EXO1: variants seen among roughly 807,000 people sequenced by gnomAD.
EXO1 encodes the protein exonuclease 1.
A neutral mutation model predicts 84.5 loss-of-function variants in EXO1; 69 were observed. The observed-to-expected ratio is 0.82, with a 90% CI of 0.67 to 1.00. The LOEUF is 1.00. EXO1 is among the 50% of genes least tolerant of loss of function. EXO1 has a pLI of 0.00. For missense variants in EXO1, 1,045 were observed against 1,000.7 expected, an observed-to-expected ratio of 1.04 and a Z score of -0.60; for synonymous variants, 373 against 366.1, an observed-to-expected ratio of 1.02 and a Z score of -0.21.
At chr1:241,871,561 A>G (rs191763153) in intron 11 of EXO1, among the ~76,000 whole-genome samples, 72 of 152,238 alleles carry the variant, frequency 4.7e-4, no homozygotes, top group Non-Finnish European at 9.3e-4. Flanking sequence ...AGCACAAATT[A>G]CTTACGACTA....
In EXO1 at chr1:241,870,057, G is replaced by A. The variant is rs4149959; in HGVS notation, c.1268-1975G>A. ...GAACTCCTGACCTCGTGATCCACCC[G>A]TCTGGGCCTCCCAAAGTGCTGGGAA... is the stretch of plus-strand genomic sequence containing the variant. On this transcript the variant is annotated intron_variant, in intron 11 of 15. Coordinates refer to ENST00000366548, the MANE Select transcript of EXO1 (RefSeq NM_130398.4). Among the ~76,000 whole-genome samples, 1,180 of 152,214 alleles carry A rather than the reference G, an allele frequency of 7.8e-3. 13 individuals are homozygous for A. Among genetic ancestry groups the A allele is most frequent in the African/African-American group, 0.027 (1,133 of 41,502 alleles).
chr1:241,878,878 G>A lies in EXO1; in HGVS notation c.1644G>A (p.Lys548=). The A allele has an allele frequency of 6.2e-7, 1 of 1,614,164 alleles. No homozygotes were observed. ...CAGAGTATGGAGACCAAGAAGGCAA[G>A]AGACTGGTTGACACAGATGTAGCAC... is the stretch of plus-strand genomic sequence containing the variant. ...HESEYGDQEG[K]RLVDTDVARN... is the part of the protein sequence containing the mutation. The change falls in exon 13 of 16, where the codon AAG becomes AAA. Residue 548 remains lysine, a synonymous_variant. Transcript: ENST00000366548.
At chr1:241,889,066 T>C (rs1057331151) in intron 15 of EXO1, among the ~76,000 whole-genome samples, 2 of 150,336 alleles carry the variant, frequency 1.3e-5, no homozygotes, top group African/African-American at 2.5e-5. Context: ...AGCGAGACCA[T>C]CTCAAAAAAG....
Position 241,857,501 on chromosome 1 carries a change from T to C in EXO1, c.543+19T>C. 6.2e-7 allele frequency: 1 copy of C among 1,606,186 alleles called. No individual in the cohort carries two copies. ...TAAAAAGGTACTCACCTCTGACTAC[T>C]ATATATTACTTTTCTATGTAGATAG... On this transcript the variant is annotated intron_variant, in intron 7 of 15. Coordinates refer to ENST00000366548, the MANE Select transcript of EXO1 (RefSeq NM_130398.4).
At chr1:241,887,628 A>T (rs1021292962) in intron 15 of EXO1, among the ~76,000 whole-genome samples, 2 of 151,770 alleles carry the variant, frequency 1.3e-5, no homozygotes, top group African/African-American at 2.4e-5. Context: ...TGCTCATTTT[A>T]TTTGTTTGTT....
chr1:241,867,331 A>G (rs1476795135), intron 11 of EXO1, among the ~76,000 whole-genome samples: 1 of 152,192 alleles, frequency 6.6e-6, no homozygotes, highest in African/African-American at 2.4e-5. Context: ...AACGAGAAGA[A>G]TGAGAGCCAA....
At chr1:241,856,539 CAT>C (rs979817727) in intron 6 of EXO1, among the ~76,000 whole-genome samples, 1 of 151,994 alleles carries the variant, frequency 6.6e-6, no homozygotes, top group African/African-American at 2.4e-5. Context: ...TGTATACACA[CAT>C]ATACCTACGT....
In EXO1 at chr1:241,881,115, C is replaced by T. The variant is rs529492187; in HGVS notation, c.2110-801C>T. Among the ~76,000 whole-genome samples, 9 of 152,196 alleles carry T rather than the reference C, an allele frequency of 5.9e-5. No homozygotes were observed. In the East Asian group the frequency reaches 9.7e-4, roughly 16 times the overall value. On this transcript the variant is annotated intron_variant, in intron 13 of 15. Transcript: ENST00000366548. Reference sequence around the variant, plus strand: ...CAATCTCGGCTCACTGCAACCTCCACCTCCCGGGTTCAAGCGATTCTCCCA... The same window carrying T: ...CAATCTCGGCTCACTGCAACCTCCATCTCCCGGGTTCAAGCGATTCTCCCA...
chr1:241,888,557 G>A (rs1035809867), intron 15 of EXO1, among the ~76,000 whole-genome samples: 1 of 152,132 alleles, frequency 6.6e-6, no homozygotes, highest in Non-Finnish European at 1.5e-5. Flanking sequence ...AAGGATCTTG[G>A]GACTCTCCAG....
At chr1:241,862,903 T>C (rs546885863) in intron 10 of EXO1, among the ~76,000 whole-genome samples, 1 of 152,284 alleles carries the variant, frequency 6.6e-6, no homozygotes, top group East Asian at 1.9e-4. Flanking sequence ...ACTGAAACAA[T>C]GTAATTAGGT....
chr1:241,850,793 A>G (rs1574128275), intron 4 of EXO1, among the ~76,000 whole-genome samples: 1 of 148,938 alleles, frequency 6.7e-6, no homozygotes. Flanking sequence ...AAGCCAGAGT[A>G]TCAAGACACT....
chr1:241,887,055 G>C (rs1305697784), intron 15 of EXO1, among the ~76,000 whole-genome samples: 2 of 152,170 alleles, frequency 1.3e-5, no homozygotes, highest in Non-Finnish European at 2.9e-5. Flanking sequence ...CTTCTTTGCT[G>C]TTATGTCTAA....
chr1:241,860,931 A>C (rs996119013), intron 9 of EXO1, among the ~76,000 whole-genome samples: 33 of 152,204 alleles, frequency 2.2e-4, no homozygotes, highest in African/African-American at 8.0e-4. Flanking sequence ...GATTACTTAG[A>C]TTGACTGACA....
intron 6 of EXO1, among the ~76,000 whole-genome samples, chr1:241,854,155 G>C (rs1167166433): frequency 6.6e-6 from 1 of 151,990 alleles, no homozygotes; most frequent in African/African-American, 2.4e-5. Flanking sequence ...TGTTTGTTTT[G>C]AGGCGGAGTT....
At chr1:241,882,266 G>C (rs1217618515) in intron 14 of EXO1, among the ~76,000 whole-genome samples, 2 of 152,116 alleles carry the variant, frequency 1.3e-5, no homozygotes, top group Admixed American at 1.3e-4. Flanking sequence ...ATAATATGCA[G>C]TTGTATAGGT....
intron 14 of EXO1, among the ~76,000 whole-genome samples, 195 bp from the exon 15 acceptor site, chr1:241,885,119 A>G (rs971492853): frequency 3.3e-5 from 5 of 152,048 alleles, no homozygotes; most frequent in Non-Finnish European, 7.4e-5. Context: ...AGGCAGGAGA[A>G]TGGCGTCAAC....
At position 241,879,275 on chromosome 1, in the gene EXO1, G is replaced by A. The variant is rs1255928489; in HGVS notation, c.2041G>A (p.Glu681Lys). 3 of 1,602,264 alleles carry A rather than the reference G, an allele frequency of 1.9e-6. No homozygotes were observed. The African/African-American group carries it at 4.0e-5, about 22-fold the overall frequency. The change falls in exon 13 of 16, where the codon GAA becomes AAA. Residue 681 changes from glutamate (E) to lysine (K), a missense_variant. By Grantham distance (56) the Glu-to-Lys change is moderately conservative (BLOSUM62 1). Transcript: ENST00000366548. ...TTCTTCACAGTCCCAGGAAAGTGGA[G>A]AATTCTCACTGCAGAGTTCAAATGC... ...ACSSQSQESG[E>K]FSLQSSNASK...
chr1:241,858,376 GTCTA>G (rs148258524), intron 7 of EXO1, 126 bp from the exon 8 acceptor site: 61,339 of 660,554 alleles, frequency 0.093, 3,875 homozygotes, highest in Admixed American at 0.26. Flanking sequence ...TCATCAGCCT[GTCTA>G]TCTATGTCTC....
At position 241,860,607 on chromosome 1, in the gene EXO1, C is replaced by G; in HGVS notation, c.847C>G (p.Leu283Val). The G allele has an allele frequency of 1.2e-6, 2 of 1,613,742 alleles. No homozygotes were observed. The highest frequency in any genetic ancestry group is 1.7e-6 in the Non-Finnish European group (2 of 1,179,650). Residue 283 changes from leucine to valine, a missense_variant, in exon 9 of 16, where the codon CTC becomes GTC. Physicochemically the swap from Leu to Val is conservative, Grantham distance 32. Transcript: ENST00000366548. Reference sequence around the variant, plus strand: ...GTTTATTCGGGCCAACAATACCTTCCTCTATCAGCTAGTTTTTGATCCCAT... The same window carrying G: ...GTTTATTCGGGCCAACAATACCTTCGTCTATCAGCTAGTTTTTGATCCCAT... ...NGFIRANNTF[L>V]YQLVFDPIKR... is the part of the protein sequence containing the mutation.
Sources: gnomAD v4.1 joint callset for allele counts (sites outside exome capture counted in the v4.1 genomes callset) on GRCh38, gnomAD v4.1.1 for gene constraint, MANE v1.5 for transcripts, NCBI Gene and HGNC (gene_info 2026-07-23, HGNC 2026-07-21) for gene names.